Variants in KIF13B observed in about 807,000 individuals in gnomAD.
KIF13B encodes the protein kinesin family member 13B.
Under a neutral mutation model 222.0 loss-of-function variants are expected in KIF13B, and 127 were observed. The observed-to-expected ratio is 0.57, with a 90% CI of 0.50 to 0.66. The LOEUF (loss-of-function observed/expected upper bound fraction) is 0.66. Among genes scored for constraint, KIF13B ranks in the 30% least tolerant of loss-of-function variants. KIF13B has a pLI of 0.00. For missense variants in KIF13B, 2,173 were observed against 2,379.0 expected (o/e 0.91, Z 1.80); for synonymous variants, 976 against 919.0 (o/e 1.06, Z -1.12).
intron 2 of KIF13B, among the ~76,000 whole-genome samples, chr8:29,244,325 CAACTCAATTA>C (rs1815926302): frequency 6.6e-6 from 1 of 152,030 alleles, no homozygotes; most frequent in Non-Finnish European, 1.5e-5. Context: ...GTGCTCTTTT[CAACTCAATTA>C]AACTCAACTC....
rs539116739 is a variant in KIF13B, at chr8:29,237,283, C to CA, written c.149+8062dup. ...GTCAAAAAAACTAAGCAAAATAAGC[C>CA]AAAAAAAAAATGCAATAGTAGGACC... On this transcript the variant is annotated intron_variant, in intron 2 of 39. Coordinates refer to ENST00000524189, the MANE Select transcript of KIF13B (RefSeq NM_015254.4). Among the ~76,000 whole-genome samples, 267 of 145,278 alleles carry CA rather than the reference C, an allele frequency of 1.8e-3. 1 individual carries two copies. The East Asian group carries it at 0.027, about 14-fold the overall frequency.
intron 2 of KIF13B, among the ~76,000 whole-genome samples, chr8:29,244,377 G>A (rs940155140): frequency 6.6e-6 from 1 of 152,090 alleles, no homozygotes; most frequent in African/African-American, 2.4e-5. Flanking sequence ...CAAATACAGC[G>A]CTGGTTCTAG....
chr8:29,206,662 G>C (rs933008792), intron 2 of KIF13B, among the ~76,000 whole-genome samples: 4 of 152,164 alleles, frequency 2.6e-5, no homozygotes, highest in Admixed American at 2.6e-4. Context: ...AATATTTACA[G>C]TCTGCCGTGC....
rs1339102819 is a variant in KIF13B at position 29,207,559 on chromosome 8, C to T, written c.150-11360G>A. ...AGTCCTGATTTATGCTGTCCCCATGCCTGCTATAGTTCTCCCAGTGTCCTG... is the reference window on the plus strand; with the variant it reads ...AGTCCTGATTTATGCTGTCCCCATGTCTGCTATAGTTCTCCCAGTGTCCTG... On this transcript the variant is annotated intron_variant, in intron 2 of 39. Transcript: ENST00000524189. 3.9e-5 allele frequency among the ~76,000 whole-genome samples: 6 copies of T among 152,022 alleles called. No homozygotes were observed. In the East Asian group the frequency reaches 1.2e-3, roughly 29 times the overall value.
At chr8:29,234,366 T>C (rs1586963503) in intron 2 of KIF13B, among the ~76,000 whole-genome samples, 3 of 151,948 alleles carry the variant, frequency 2.0e-5, no homozygotes, top group African/African-American at 7.3e-5. Context: ...ACATGTGCTA[T>C]AACATGGATG....
At chr8:29,205,431 GAA>G (rs1397570696) in intron 2 of KIF13B, among the ~76,000 whole-genome samples, 3 of 152,026 alleles carry the variant, frequency 2.0e-5, no homozygotes, top group Non-Finnish European at 2.9e-5. Context: ...AGAGAAAACA[GAA>G]AAGAGTTTTC....
At position 29,146,418 on chromosome 8, in the gene KIF13B, G is replaced by A. The variant is rs1466767686; in HGVS notation, c.2147C>T (p.Thr716Ile). The change falls in exon 18 of 40, where the codon ACC (threonine) becomes ATC (isoleucine). Residue 716 changes from threonine to isoleucine, a missense_variant. This residue lies in a region of KIF13B where 1,480 missense variants were observed against 1,722.8 expected (regional missense o/e 0.86). Transcript: ENST00000524189. ...CAGGCTGGAGGCTGGAATCTGTAGG[G>A]TAACTTTGTATTCTGTTCTTTTATC... ...ELDKRTEYKV[T>I]LQIPASSLDA... 2.5e-6 allele frequency: 4 copies of A among 1,613,848 alleles called. No homozygotes were observed. The highest frequency in any genetic ancestry group is 2.5e-6 in the Non-Finnish European group (3 of 1,179,808).
chr8:29,255,452 A>G (rs1259587276), intron 1 of KIF13B, among the ~76,000 whole-genome samples: 1 of 152,142 alleles, frequency 6.6e-6, no homozygotes, highest in African/African-American at 2.4e-5. Flanking sequence ...CCATCAAGAA[A>G]ATTAAGCTTG....
At chr8:29,236,212 CTATTTTAAATTGTTTAGA>C (rs1815501041) in intron 2 of KIF13B, among the ~76,000 whole-genome samples, 1 of 152,132 alleles carries the variant, frequency 6.6e-6, no homozygotes, top group Non-Finnish European at 1.5e-5. Flanking sequence ...CTCCTCACAC[CTATTTTAAATTGTTTAGA>C]TATGATAAAT....
chr8:29,148,834 T>A, intron 15 of KIF13B, 67 bp from the exon 16 acceptor site: 1 of 1,323,106 alleles, frequency 7.6e-7, no homozygotes, highest in Non-Finnish European at 1.0e-6. Flanking sequence ...ATTCATTAAG[T>A]ACTGGTATCT....
intron 32 of KIF13B, among the ~76,000 whole-genome samples, chr8:29,112,890 A>C (rs1586794950): frequency 6.6e-6 from 1 of 152,264 alleles, no homozygotes; most frequent in East Asian, 1.9e-4. Flanking sequence ...TCCTCTGAAT[A>C]TCTCAATTAG....
In KIF13B at chr8:29,169,961, T is replaced by C. The variant is rs148153696; in HGVS notation, c.946-2376A>G. ...CTACCAAAGGAGAAAAGCATGTATA[T>C]TGTGCTCCAATTTATGCTGAGAAAA... On this transcript the variant is annotated intron_variant, in intron 10 of 39. Transcript: ENST00000524189. Among the ~76,000 whole-genome samples the C allele has an allele frequency of 2.9e-3, 441 of 152,338 alleles. 1 individual carries two copies. The highest frequency in any genetic ancestry group is 0.01 in the African/African-American group (418 of 41,570).
rs189857019 is a variant in KIF13B, at chr8:29,246,947, A to C, written c.56-1508T>G. Among the ~76,000 whole-genome samples the C allele has an allele frequency of 1.2e-3, 189 of 152,378 alleles. 3 individuals carry two copies. The highest frequency in any genetic ancestry group is 4.4e-3 in the African/African-American group (181 of 41,588). ...CCTCACATCACATTCAAAACTCCAA[A>C]CAGATCAAAGGGCTAAATGTAAAAA... is the stretch of plus-strand genomic sequence containing the variant. On this transcript the variant is annotated intron_variant, in intron 1 of 39. Coordinates refer to ENST00000524189, the MANE Select transcript of KIF13B (RefSeq NM_015254.4).
chr8:29,187,051 T>C (rs888076898), intron 5 of KIF13B, among the ~76,000 whole-genome samples: 2 of 151,166 alleles, frequency 1.3e-5, no homozygotes, highest in Non-Finnish European at 2.9e-5. Context: ...TGAGAAATAG[T>C]GAGGTCTAAA....
chr8:29,250,912 T>C lies in KIF13B; in HGVS notation c.56-5473A>G, dbSNP rs28533656. Among the ~76,000 whole-genome samples, 1,047 of 152,328 alleles carry C rather than the reference T, an allele frequency of 6.9e-3. 6 individuals carry two copies. Among genetic ancestry groups the C allele is most frequent in the African/African-American group, 0.024 (991 of 41,564 alleles). On this transcript the variant is annotated intron_variant, in intron 1 of 39. Transcript: ENST00000524189. ...ATTTTAAATATGACACACTCGCCAC[T>C]GAAAACTTCTTGCTGTATATAGCAC...
At chr8:29,201,987 C>T (rs1382099384) in intron 2 of KIF13B, among the ~76,000 whole-genome samples, 1 of 152,200 alleles carries the variant, frequency 6.6e-6, no homozygotes, top group African/African-American at 2.4e-5. Context: ...GTAAGAAGTA[C>T]AAATATCACA....
chr8:29,085,630 C>T (rs1327104960), intron 37 of KIF13B, among the ~76,000 whole-genome samples: 1 of 151,172 alleles, frequency 6.6e-6, no homozygotes, highest in African/African-American at 2.4e-5. Context: ...CCTTGGCCTC[C>T]CAAAGTGCTG....
chr8:29,205,123 A>T (rs1041468476), intron 2 of KIF13B, among the ~76,000 whole-genome samples: 6 of 152,128 alleles, frequency 3.9e-5, no homozygotes, highest in Non-Finnish European at 5.9e-5. Flanking sequence ...CAGGAGATGG[A>T]GGCTGTAGTG....
chr8:29,106,094 A>G (rs1273888549), intron 35 of KIF13B, among the ~76,000 whole-genome samples: 1 of 152,184 alleles, frequency 6.6e-6, no homozygotes, highest in African/African-American at 2.4e-5. Context: ...TACTTACATT[A>G]AAAAGTCACG....
Sources: gnomAD v4.1 joint callset for allele counts (sites outside exome capture counted in the v4.1 genomes callset) on GRCh38, gnomAD v4.1.1 for gene constraint, gnomAD v4.1.1 regional missense constraint, MANE v1.5 for transcripts, NCBI Gene and HGNC (gene_info 2026-07-23, HGNC 2026-07-21) for gene names.